RAPGEF5: variants seen among roughly 807,000 people sequenced by gnomAD.
RAPGEF5 encodes the protein M-Ras-regulated GEF.
Under a neutral mutation model 125.2 loss-of-function variants are expected in RAPGEF5, and 65 were observed. The observed-to-expected ratio is 0.52, with a 90% CI of 0.43 to 0.64. The LOEUF (loss-of-function observed/expected upper bound fraction) is 0.64. Among genes scored for constraint, RAPGEF5 ranks in the 30% least tolerant of loss-of-function variants. RAPGEF5 has a pLI of 0.00. For missense variants in RAPGEF5, 958 were observed against 1,048.1 expected (o/e 0.91, Z 1.19); for synonymous variants, 391 against 385.9 (o/e 1.01, Z -0.16).
rs148125266 is a variant in RAPGEF5, at chr7:22,130,980, A to G, written c.2481+57T>C. ...AACTATTTATTTCCTAGAGCAGGAA[A>G]GAAAGGCATACATTTCTGTTACTGT... is the stretch of plus-strand genomic sequence containing the variant. On this transcript the variant is annotated intron_variant, in intron 24 of 25. Transcript: ENST00000665637. 902 of 1,524,516 alleles carry G rather than the reference A, an allele frequency of 5.9e-4. 17 individuals are homozygous for G. In the East Asian group the frequency reaches 0.022, roughly 37 times the overall value. 94.4% of individuals were successfully genotyped at this position (1,524,516 alleles called of 1,614,324 possible).
chr7:22,327,985 A>G (rs1455657664), intron 1 of RAPGEF5, among the ~76,000 whole-genome samples: 1 of 152,324 alleles, frequency 6.6e-6, no homozygotes, highest in African/African-American at 2.4e-5. Flanking sequence ...AATGTTACCT[A>G]TTGTTATTGT....
rs1037657901 is a variant in RAPGEF5 at position 22,140,733 on chromosome 7, C to T, written c.2187-618G>A. On this transcript the variant is annotated intron_variant, in intron 20 of 25. Coordinates refer to ENST00000665637, the MANE Select transcript of RAPGEF5 (RefSeq NM_012294.5). ...TCTTGAGGCTATCCACTCTGCATAA[C>T]ATCAATCATGCCCAGAGACTTAACT... 2.5e-4 allele frequency among the ~76,000 whole-genome samples: 38 copies of T among 152,180 alleles called. 1 individual carries two copies. Among genetic ancestry groups the T allele is most frequent in the African/African-American group, 8.9e-4 (37 of 41,444 alleles).
intron 11 of RAPGEF5, among the ~76,000 whole-genome samples, chr7:22,186,197 T>C (rs959593797): frequency 1.3e-4 from 20 of 152,228 alleles, no homozygotes; most frequent in African/African-American, 3.9e-4. Flanking sequence ...CAGTTTAAGA[T>C]GGTAAAAGGC....
chr7:22,155,277 A>G (rs1404111286), intron 16 of RAPGEF5, among the ~76,000 whole-genome samples: 2 of 152,230 alleles, frequency 1.3e-5, no homozygotes, highest in Non-Finnish European at 2.9e-5. Context: ...GCTAATAATT[A>G]TTACTAGGAC....
At chr7:22,230,477 T>C (rs1004028213) in intron 8 of RAPGEF5, among the ~76,000 whole-genome samples, 1 of 152,208 alleles carries the variant, frequency 6.6e-6, no homozygotes, top group African/African-American at 2.4e-5. Flanking sequence ...ACCTAAAGCA[T>C]ATTCATGCCG....
Position 22,156,876 on chromosome 7 carries a change from A to C in RAPGEF5, c.1570T>G (p.Phe524Val). 6.2e-7 allele frequency: 1 copy of C among 1,613,964 alleles called. No individual in the cohort carries two copies. The highest frequency in any genetic ancestry group is 1.1e-5 in the South Asian group (1 of 91,088). ...TTCTCCTTAAGACTGAATTGGTGGA[A>C]AAGGGCTTTATTCTGTGAGATGGGA... is the stretch of plus-strand genomic sequence containing the variant. ...YSPQKKNKAL[F>V]HQFSLKENWL... The change falls in exon 16 of 26, where the codon TTC becomes GTC. Residue 524 changes from phenylalanine to valine, a missense_variant. Transcript: ENST00000665637.
chr7:22,177,649 A>C (rs1248508465), intron 11 of RAPGEF5, among the ~76,000 whole-genome samples: 2 of 152,218 alleles, frequency 1.3e-5, no homozygotes, highest in Non-Finnish European at 2.9e-5. Context: ...CTTTACCTAC[A>C]TGGCCTGCGC....
chr7:22,224,777 C>A (rs1037809663), intron 8 of RAPGEF5, among the ~76,000 whole-genome samples: 10 of 151,742 alleles, frequency 6.6e-5, no homozygotes, highest in African/African-American at 2.4e-4. Context: ...CCCACAGACT[C>A]GATTTGGAGA....
intron 19 of RAPGEF5, among the ~76,000 whole-genome samples, 200 bp downstream of exon 19, chr7:22,146,697 C>T (rs111473540): frequency 2.0e-4 from 30 of 152,288 alleles, no homozygotes; most frequent in African/African-American, 7.2e-4. Flanking sequence ...CATATGCTCA[C>T]ACTAGGGGCA....
intron 7 of RAPGEF5, among the ~76,000 whole-genome samples, chr7:22,262,027 A>C (rs1782167746): frequency 6.6e-6 from 1 of 152,192 alleles, no homozygotes; most frequent in Non-Finnish European, 1.5e-5. Context: ...ACCCCAAAGC[A>C]TTAAAAGACT....
At chr7:22,179,709 G>C (rs145656115) in intron 11 of RAPGEF5, among the ~76,000 whole-genome samples, 1 of 152,310 alleles carries the variant, frequency 6.6e-6, no homozygotes, top group Non-Finnish European at 1.5e-5. Context: ...CCAAGATAGT[G>C]ACAAATGTGA....
intron 23 of RAPGEF5, among the ~76,000 whole-genome samples, chr7:22,132,022 T>C (rs980937368): frequency 6.6e-6 from 1 of 152,194 alleles, no homozygotes; most frequent in Non-Finnish European, 1.5e-5. Flanking sequence ...CAAATAATCA[T>C]GTTATATTAC....
At chr7:22,314,709 G>C in intron 3 of RAPGEF5, 1 of 811,528 alleles carries the variant, frequency 1.2e-6, no homozygotes, top group Non-Finnish European at 1.5e-6. Context: ...GGTATCATTT[G>C]GTGTGGCTTA....
intron 5 of RAPGEF5, chr7:22,298,587 A>G (rs1305494000): frequency 2.0e-5 from 3 of 152,220 alleles, no homozygotes; most frequent in African/African-American, 7.2e-5. Flanking sequence ...TAGAAATGAC[A>G]TAATTTGTCT....
intron 6 of RAPGEF5, among the ~76,000 whole-genome samples, chr7:22,280,206 G>A (rs2528916): frequency 0.17 from 26,274 of 152,066 alleles, 2,319 homozygotes; most frequent in Admixed American, 0.21. Context: ...AAAAAAAAGA[G>A]ATTTCTACAA....
intron 9 of RAPGEF5, among the ~76,000 whole-genome samples, chr7:22,200,778 T>C (rs1222418902): frequency 3.9e-5 from 6 of 152,204 alleles, no homozygotes; most frequent in East Asian, 1.9e-4. Flanking sequence ...ACTTGTCTAA[T>C]AACCCTAAAA....
At chr7:22,287,307 C>T (rs989859217) in intron 6 of RAPGEF5, among the ~76,000 whole-genome samples, 1 of 152,212 alleles carries the variant, frequency 6.6e-6, no homozygotes, top group African/African-American at 2.4e-5. Context: ...CTTATTTCTA[C>T]ACATGCACCA....
intron 7 of RAPGEF5, among the ~76,000 whole-genome samples, chr7:22,246,459 C>T (rs1422353742): frequency 6.6e-6 from 1 of 152,038 alleles, no homozygotes; most frequent in East Asian, 1.9e-4. Context: ...ACAAAATCAA[C>T]AAAAATAAGC....
At chr7:22,347,186 G>A (rs1258073057) in intron 1 of RAPGEF5, among the ~76,000 whole-genome samples, 2 of 151,852 alleles carry the variant, frequency 1.3e-5, no homozygotes, top group Non-Finnish European at 2.9e-5. Context: ...TTACTCTAAG[G>A]CTATTAATGC....
Sources: allele counts gnomAD v4.1 joint callset (sites outside exome capture counted in the v4.1 genomes callset), GRCh38; gene constraint gnomAD v4.1.1; transcripts MANE v1.5; gene names NCBI Gene and HGNC (gene_info 2026-07-23, HGNC 2026-07-21).